The following DHX16 variants were observed in gnomAD, a reference collection of about 807,000 sequenced individuals.
DHX16 encodes the protein DEAH-box helicase 16.
In DHX16, 81 loss-of-function variants were observed where a neutral mutation model predicts 131.2. That is an observed-to-expected ratio of 0.62 (90% CI 0.52 to 0.74). The LOEUF is 0.74. Ranked by LOEUF, DHX16 falls within the 30% of genes least tolerant of loss-of-function variation. The probability of loss-of-function intolerance (pLI) is 0.00; values close to 1 mark genes in which losing one functional copy is unlikely to be tolerated. For synonymous variants in DHX16, 440 were observed against 520.2 expected, an observed-to-expected ratio of 0.85 and a Z score of 2.10; for missense variants, 980 against 1,363.1, an observed-to-expected ratio of 0.72 and a Z score of 4.43.
intron 4 of DHX16, among the ~76,000 whole-genome samples, chr6:30,667,251 T>C (rs1769127317): frequency 6.6e-6 from 1 of 152,096 alleles, no homozygotes; most frequent in Non-Finnish European, 1.5e-5. Context: ...ATAGACAAAT[T>C]CTAGCCAATA....
In DHX16 at chr6:30,660,369, G is replaced by A. The variant is rs1240084589; in HGVS notation, c.1545-127C>T. On this transcript the variant is annotated intron_variant, in intron 9 of 19. Coordinates refer to ENST00000376442, the MANE Select transcript of DHX16 (RefSeq NM_003587.5). ...TCAAGAATGACTGTTGACGGAGGGGGCTCTAAGGAGAAGTCAGCCATCCCA... is the reference window on the plus strand; with the variant it reads ...TCAAGAATGACTGTTGACGGAGGGGACTCTAAGGAGAAGTCAGCCATCCCA... 1.8e-5 allele frequency: 14 copies of A among 765,722 alleles called. No individual in the cohort carries two copies. The African/African-American group carries it at 2.5e-4, about 14-fold the overall frequency. The allele number at this position is 765,722 out of a possible 1,614,324, so 47.4% of individuals were successfully genotyped here. A position where few individuals can be genotyped will look rare whatever the true frequency, so the allele number is the denominator to read the frequency against.
rs1394402336 is a variant in DHX16 at position 30,670,168 on chromosome 6, G to T, written c.666+242C>A. Among the ~76,000 whole-genome samples, 1 of 152,130 alleles carries T rather than the reference G, an allele frequency of 6.6e-6. No homozygotes were observed. The highest frequency in any genetic ancestry group is 1.5e-5 in the Non-Finnish European group (1 of 68,016). On this transcript the variant is annotated intron_variant, in intron 4 of 19. Transcript: ENST00000376442. The surrounding 1 kb of genome is among the most constrained non-coding windows in gnomAD (Gnocchi z 4.4). ...CTAATAGAGTATATTTGATCCTAAA[G>T]TTAAGAGTCAAGGAGGACTTATGGG...
rs1768937971 is a variant in DHX16, at chr6:30,665,331, C to G, written c.922-57G>C. 5.0e-6 allele frequency: 8 copies of G among 1,592,468 alleles called. No individual in the cohort carries two copies. Among genetic ancestry groups the G allele is most frequent in the South Asian group, 1.1e-5 (1 of 90,658 alleles). On this transcript the variant is annotated intron_variant, in intron 5 of 19. Coordinates refer to ENST00000376442, the MANE Select transcript of DHX16 (RefSeq NM_003587.5). This position sits in a 1 kb window ranked among gnomAD's most constrained non-coding sequence, Gnocchi z 4.8. ...AAACAGGATGTCCTCTCTGCCCTCT[C>G]CCCTCTTCCCATTACTACCCCCGCC...
At chr6:30,660,296 A>G (rs887261569) in intron 9 of DHX16, 54 bp from the exon 10 acceptor site, 49 of 1,413,164 alleles carry the variant, frequency 3.5e-5, no homozygotes, top group Non-Finnish European at 4.2e-5. Context: ...ATGCAGTATC[A>G]GACACCAGAG....
Position 30,665,013 on chromosome 6 carries a change from G to A in DHX16, c.1126-21C>T, listed in dbSNP as rs753069820. ...GGCTCCTAAGGAAAGAGAAGGAGGT[G>A]TGAGCTAAATAGCTCGCTACGGGTC... On this transcript the variant is annotated intron_variant, in intron 6 of 19. Coordinates refer to ENST00000376442, the MANE Select transcript of DHX16 (RefSeq NM_003587.5). The surrounding 1 kb of genome is among the most constrained non-coding windows in gnomAD (Gnocchi z 4.8). The A allele has an allele frequency of 6.2e-7, 1 of 1,613,748 alleles. No homozygotes were observed. The highest frequency in any genetic ancestry group is 8.5e-7 in the Non-Finnish European group (1 of 1,179,724).
At chr6:30,659,449 G>C in intron 12 of DHX16, 23 bp downstream of exon 12, 2 of 1,571,000 alleles carry the variant, frequency 1.3e-6, no homozygotes, top group Non-Finnish European at 1.7e-6. Context: ...TAGGGGTGAA[G>C]AGTGTGGGTT....
At chr6:30,654,161 CAG>C (rs1767736140) in intron 19 of DHX16, among the ~76,000 whole-genome samples, 1 of 151,776 alleles carries the variant, frequency 6.6e-6, no homozygotes, top group Non-Finnish European at 1.5e-5. Context: ...TCTGTGAGAC[CAG>C]AGACTGCTTT....
In DHX16 at chr6:30,672,936, C is replaced by T; in HGVS notation, c.-95G>A. 6.4e-7 allele frequency: 1 copy of T among 1,564,192 alleles called. No individual in the cohort carries two copies. Among genetic ancestry groups the T allele is most frequent in the Non-Finnish European group, 8.7e-7 (1 of 1,154,170 alleles). ...GGCCTGGAGCCCTCGGCTGGAGCCT[C>T]AGCTTCGCAAGTCAGCTACCTTGGG... On this transcript the variant is annotated 5_prime_UTR_variant, in exon 1 of 20. An upstream open reading frame in the 5' UTR loses its in-frame stop. Coordinates refer to ENST00000376442, the MANE Select transcript of DHX16 (RefSeq NM_003587.5).
At position 30,653,312 on chromosome 6, in the gene DHX16, T is replaced by C; in HGVS notation, c.3056A>G (p.Lys1019Arg). ...LEVAPHYYKA[K>R]ELEDPHAKKM... ...CTTAGCATGGGGATCTTCTAGCTCC[T>C]TGGCCTTATAATAATGGGGAGCCAC... is the stretch of plus-strand genomic sequence containing the variant. Residue 1019 changes from lysine to arginine, a missense_variant, in exon 20 of 20, where the codon AAG (lysine) becomes AGG (arginine). Lys to Arg is a conservative substitution (Grantham distance 26, BLOSUM62 2). Coordinates refer to ENST00000376442, the MANE Select transcript of DHX16 (RefSeq NM_003587.5). 1 of 1,613,002 alleles carries C rather than the reference T, an allele frequency of 6.2e-7. No individual in the cohort carries two copies. Among genetic ancestry groups the C allele is most frequent in the Non-Finnish European group, 8.5e-7 (1 of 1,179,992 alleles).
chr6:30,671,895 C>T (rs1367303569), intron 1 of DHX16, among the ~76,000 whole-genome samples: 3 of 151,166 alleles, frequency 2.0e-5, no homozygotes, highest in Admixed American at 1.3e-4. Context: ...GTTGCCCAGG[C>T]TGGTCTCGAA....
rs1335983122 is a variant in DHX16, at chr6:30,656,115, A to G, written c.2498+83T>C. ...TTAAGGGATAGTATGATGAACAGAA[A>G]AAGACAGACAAAGGGGACCCTGGAG... On this transcript the variant is annotated intron_variant, in intron 16 of 19. Coordinates refer to ENST00000376442, the MANE Select transcript of DHX16 (RefSeq NM_003587.5). The surrounding 1 kb of genome is among the most constrained non-coding windows in gnomAD (Gnocchi z 5.1). The G allele has an allele frequency of 9.6e-6, 13 of 1,349,514 alleles. No individual in the cohort carries two copies. Among genetic ancestry groups the G allele is most frequent in the East Asian group, 2.3e-5 (1 of 43,696 alleles). 83.6% of individuals were successfully genotyped at this position (1,349,514 alleles called of 1,614,324 possible).
intron 12 of DHX16, 72 bp downstream of exon 12, chr6:30,659,400 G>A: frequency 6.7e-7 from 1 of 1,490,982 alleles, no homozygotes; most frequent in Non-Finnish European, 9.1e-7. Context: ...CTTGCATGGG[G>A]CAGGCACACA....
Position 30,656,563 on chromosome 6 carries a change from AG to A in DHX16, c.2311+33del. On this transcript the variant is annotated intron_variant, in intron 14 of 19. Transcript: ENST00000376442. The surrounding 1 kb of genome is among the most constrained non-coding windows in gnomAD (Gnocchi z 5.1). Reference sequence around the variant, plus strand: ...AGTCCCTTCAAAGGACAGTGACTCCAGCCCCTCCCTCCTCTCTCAGGTAGCC... The same window carrying A: ...AGTCCCTTCAAAGGACAGTGACTCCACCCCTCCCTCCTCTCTCAGGTAGCC... The A allele has an allele frequency of 6.2e-7, 1 of 1,614,160 alleles. No homozygotes were observed. The highest frequency in any genetic ancestry group is 8.5e-7 in the Non-Finnish European group (1 of 1,180,006).
At position 30,655,553 on chromosome 6, in the gene DHX16, G is replaced by A; in HGVS notation, c.2543C>T (p.Ser848Phe). The change falls in exon 17 of 20, where the codon TCT (serine) becomes TTT (phenylalanine). Residue 848 changes from serine (S) to phenylalanine (F), a missense_variant. Ser to Phe is a radical substitution (Grantham distance 155, BLOSUM62 -2). Coordinates refer to ENST00000376442, the MANE Select transcript of DHX16 (RefSeq NM_003587.5). ...EEILTVAAML[S>F]VNNSIFYRPK... ...TCGGTAGAAGATGGAGTTGTTGACA[G>A]AGAGCATGGCAGCCACTGTCAGGAT... 1 of 1,613,082 alleles carries A rather than the reference G, an allele frequency of 6.2e-7. No homozygotes were observed. Among genetic ancestry groups the A allele is most frequent in the Non-Finnish European group, 8.5e-7 (1 of 1,180,036 alleles).
At chr6:30,666,995 A>C (rs1393170385) in intron 4 of DHX16, among the ~76,000 whole-genome samples, 1 of 152,138 alleles carries the variant, frequency 6.6e-6, no homozygotes, top group African/African-American at 2.4e-5. Context: ...TGGGCAAAAA[A>C]TCAGAGCCAT....
chr6:30,660,477 C>T (rs898660293), intron 9 of DHX16: 8 of 420,276 alleles, frequency 1.9e-5, no homozygotes, highest in Non-Finnish European at 3.4e-5. Flanking sequence ...TAATAGGAGA[C>T]AAGATGTAGA....
chr6:30,665,830 C>A lies in DHX16; in HGVS notation c.667-97G>T. 2 of 1,480,804 alleles carry A rather than the reference C, an allele frequency of 1.4e-6. No homozygotes were observed. The highest frequency in any genetic ancestry group is 9.0e-7 in the Non-Finnish European group (1 of 1,109,372). The allele number at this position is 1,480,804 out of a possible 1,614,324, so 91.7% of individuals were successfully genotyped here. On this transcript the variant is annotated intron_variant, in intron 4 of 19. Transcript: ENST00000376442. The surrounding 1 kb of genome is among the most constrained non-coding windows in gnomAD (Gnocchi z 4.8). ...AGGGAAAAATCCCCTGACAGGCAGG[C>A]ATGAGAACCTCAGGATGCACCCTCT...
intron 12 of DHX16, 53 bp from the exon 13 acceptor site, chr6:30,657,145 G>A: frequency 6.4e-7 from 1 of 1,559,198 alleles, no homozygotes. Context: ...TAGTTACCCA[G>A]AAAAAGTAAT....
chr6:30,654,944 C>T, intron 18 of DHX16, 65 bp from the exon 19 acceptor site: 1 of 1,524,456 alleles, frequency 6.6e-7, no homozygotes, highest in South Asian at 1.2e-5. Flanking sequence ...TAAGAATGCA[C>T]TACCTTTTTA....
Sources: allele counts gnomAD v4.1 joint callset (sites outside exome capture counted in the v4.1 genomes callset), GRCh38; gene constraint gnomAD v4.1.1; non-coding constraint Gnocchi (gnomAD v3.1); transcripts MANE v1.5; gene names NCBI Gene and HGNC (gene_info 2026-07-23, HGNC 2026-07-21).